CHST9: variants seen among roughly 807,000 people sequenced by gnomAD.
CHST9 encodes carbohydrate sulfotransferase 9.
CHST9 carries 41 observed loss-of-function variants against 44.4 expected under a neutral mutation model. That is an observed-to-expected ratio of 0.92 (90% CI 0.72 to 1.20). CHST9 has a LOEUF of 1.20. CHST9 is among the 50% of genes most tolerant of loss of function. CHST9 has a pLI of 0.00. For synonymous variants in CHST9, 171 were observed against 178.4 expected (o/e 0.96, Z 0.33); for missense variants, 504 against 516.5 (o/e 0.98, Z 0.23).
intron 4 of CHST9, among the ~76,000 whole-genome samples, chr18:27,010,814 G>C (rs1374539049): frequency 1.3e-5 from 2 of 152,178 alleles, no homozygotes; most frequent in African/African-American, 4.8e-5. Flanking sequence ...CTGTTTCTAA[G>C]GGGCTCAGGA....
At chr18:26,932,807 G>T (rs2055903939) in intron 5 of CHST9, among the ~76,000 whole-genome samples, 1 of 152,140 alleles carries the variant, frequency 6.6e-6, no homozygotes, top group South Asian at 2.1e-4. Context: ...CTCTTTTTTA[G>T]CAAAGTCAAG....
intron 2 of CHST9, among the ~76,000 whole-genome samples, chr18:27,128,683 T>C (rs1446394612): frequency 6.6e-6 from 1 of 152,214 alleles, no homozygotes; most frequent in East Asian, 1.9e-4. Context: ...AAGATACTAC[T>C]CCATTAATGT....
intron 2 of CHST9, among the ~76,000 whole-genome samples, chr18:27,100,360 T>C (rs1466351558): frequency 1.3e-5 from 2 of 152,070 alleles, no homozygotes; most frequent in African/African-American, 2.4e-5. Context: ...CACAGCATCA[T>C]GCAATATACT....
chr18:27,095,764 T>C (rs1022932380), intron 2 of CHST9, among the ~76,000 whole-genome samples: 4 of 152,038 alleles, frequency 2.6e-5, no homozygotes, highest in South Asian at 2.1e-4. Flanking sequence ...ACACCTAAAA[T>C]TGGAGCACCC....
At chr18:26,959,426 T>A (rs533522230) in intron 4 of CHST9, among the ~76,000 whole-genome samples, 14 of 152,336 alleles carry the variant, frequency 9.2e-5, no homozygotes, top group Admixed American at 7.8e-4. Flanking sequence ...TCACACAAGA[T>A]ACCCAGGTAA....
chr18:26,991,440 A>ACC (rs1211291199), intron 4 of CHST9, among the ~76,000 whole-genome samples: 2 of 152,200 alleles, frequency 1.3e-5, no homozygotes, highest in Non-Finnish European at 2.9e-5. Flanking sequence ...GTTTGGACAT[A>ACC]TTATGCTTCT....
intron 4 of CHST9, among the ~76,000 whole-genome samples, chr18:26,987,858 G>C (rs1428827639): frequency 6.6e-6 from 1 of 152,072 alleles, no homozygotes; most frequent in Non-Finnish European, 1.5e-5. Flanking sequence ...TCTGCAACTT[G>C]GATAAGGCCC....
In CHST9 at chr18:26,915,295, A is replaced by G. The variant is rs2055499767; in HGVS notation, c.*964T>C. 3.9e-6 allele frequency: 1 copy of G among 259,726 alleles called. No homozygotes were observed. The highest frequency in any genetic ancestry group is 7.2e-6 in the Non-Finnish European group (1 of 139,692). 16.1% of individuals were successfully genotyped at this position (259,726 alleles called of 1,614,324 possible). On this transcript the variant is annotated 3_prime_UTR_variant, in exon 6 of 6. Coordinates refer to ENST00000618847, the MANE Select transcript of CHST9 (RefSeq NM_031422.6). Reference sequence around the variant, plus strand: ...AAGCTGAATAATTAAACTGAAAACAAAAGCTATTCTTAGGGTGTATTCCAC... The same window carrying G: ...AAGCTGAATAATTAAACTGAAAACAGAAGCTATTCTTAGGGTGTATTCCAC...
Position 27,163,275 on chromosome 18 carries a change from G to A in CHST9, c.-96-20370C>T, listed in dbSNP as rs561805347. Among the ~76,000 whole-genome samples, 3 of 152,310 alleles carry A rather than the reference G, an allele frequency of 2.0e-5. No individual in the cohort carries two copies. In the East Asian group the frequency reaches 5.8e-4, roughly 29 times the overall value. The stretch of plus-strand genomic sequence containing the variant: ...CTCAGGGGTCAGGGACCCACTTGAG[G>A]AGGCAGTCTGTCCGTTCTCAGATCT... On this transcript the variant is annotated intron_variant, in intron 1 of 5. Transcript: ENST00000618847.
intron 1 of CHST9, among the ~76,000 whole-genome samples, chr18:27,158,316 C>CA (rs1161270428): frequency 2.0e-5 from 3 of 149,734 alleles, no homozygotes; most frequent in Non-Finnish European, 4.4e-5. Context: ...CATGTGTTCT[C>CA]ATTGTTCAAT....
chr18:27,079,479 T>A (rs371144462), intron 2 of CHST9, among the ~76,000 whole-genome samples: 1 of 152,188 alleles, frequency 6.6e-6, no homozygotes, highest in Non-Finnish European at 1.5e-5. Flanking sequence ...TTTTACTTTA[T>A]CAAATTAGCA....
Position 26,913,524 on chromosome 18 carries a change from T to C in CHST9, c.*2735A>G, listed in dbSNP as rs1480527231. The C allele has an allele frequency of 6.6e-6, 1 of 152,230 alleles. No individual in the cohort carries two copies. Among genetic ancestry groups the C allele is most frequent in the East Asian group, 1.9e-4 (1 of 5,202 alleles). The allele number at this position is 152,230 out of a possible 1,614,324, so 9.4% of individuals were successfully genotyped here. A position where few individuals can be genotyped will look rare whatever the true frequency, so the allele number is the denominator to read the frequency against. ...TTTAATTGCCAACTTGTTACCCTGA[T>C]AGTAATTCCAGACAGGGGAATAACA... On this transcript the variant is annotated 3_prime_UTR_variant, in exon 6 of 6. Transcript: ENST00000618847.
intron 4 of CHST9, among the ~76,000 whole-genome samples, chr18:26,968,829 C>T (rs2056499545): frequency 6.6e-6 from 1 of 152,108 alleles, no homozygotes; most frequent in Non-Finnish European, 1.5e-5. Flanking sequence ...AGGAAAGGAT[C>T]CAGATATGTT....
At chr18:27,145,026 G>A (rs974859143) in intron 1 of CHST9, among the ~76,000 whole-genome samples, 1 of 151,964 alleles carries the variant, frequency 6.6e-6, no homozygotes, top group African/African-American at 2.4e-5. Flanking sequence ...AAACAAATGA[G>A]CTTCAAAGAT....
At chr18:27,023,578 T>C (rs2057249453) in intron 4 of CHST9, among the ~76,000 whole-genome samples, 1 of 152,220 alleles carries the variant, frequency 6.6e-6, no homozygotes, top group African/African-American at 2.4e-5. Flanking sequence ...ATGAAAACAA[T>C]GTATTCTTTT....
chr18:26,942,702 G>C (rs902930633), intron 5 of CHST9, among the ~76,000 whole-genome samples: 6 of 152,152 alleles, frequency 3.9e-5, no homozygotes, highest in African/African-American at 7.2e-5. Context: ...ATAAGGAAAA[G>C]TATTCCTATA....
At chr18:26,993,959 G>A (rs2145213237) in intron 4 of CHST9, among the ~76,000 whole-genome samples, 1 of 152,334 alleles carries the variant, frequency 6.6e-6, no homozygotes, top group Middle Eastern at 3.4e-3. Flanking sequence ...TCCTCGGCTG[G>A]GGGATGGCCC....
At chr18:27,182,591 T>C (rs1193013206) in intron 1 of CHST9, among the ~76,000 whole-genome samples, 1 of 152,212 alleles carries the variant, frequency 6.6e-6, no homozygotes, top group East Asian at 1.9e-4. Flanking sequence ...TTATGTAACT[T>C]AATTTGGAAT....
chr18:27,132,541 T>C (rs1204441172), intron 2 of CHST9, among the ~76,000 whole-genome samples: 2 of 152,180 alleles, frequency 1.3e-5, no homozygotes, highest in African/African-American at 4.8e-5. Context: ...GCATCTACTA[T>C]GTGCCAGGCA....
Sources: allele counts gnomAD v4.1 joint callset (sites outside exome capture counted in the v4.1 genomes callset), GRCh38; gene constraint gnomAD v4.1.1; transcripts MANE v1.5; gene names NCBI Gene and HGNC (gene_info 2026-07-23, HGNC 2026-07-21).